The following KLHL29 variants were observed in gnomAD, a reference collection of about 807,000 sequenced individuals.
KLHL29 encodes the protein kelch like family member 29.
Under a neutral mutation model 80.4 loss-of-function variants are expected in KLHL29, and 21 were observed. The ratio of observed to expected loss-of-function variants is 0.26; its 90% CI spans 0.19 to 0.38. The LOEUF is 0.38. Among genes scored for constraint, KLHL29 ranks in the 10% least tolerant of loss-of-function variants. The pLI is 1.00. For missense variants in KLHL29, 867 were observed against 1,223.9 expected, an observed-to-expected ratio of 0.71 and a Z score of 4.35; for synonymous variants, 511 against 526.8, an observed-to-expected ratio of 0.97 and a Z score of 0.41.
chr2:23,390,297 G>A (rs115383181), intron 1 of KLHL29, among the ~76,000 whole-genome samples: 1 of 152,150 alleles, frequency 6.6e-6, no homozygotes, highest in Non-Finnish European at 1.5e-5. Flanking sequence ...TGAAATTCAA[G>A]TAGTTCAGAG....
At chr2:23,560,821 A>G (rs1332263280) in intron 2 of KLHL29, among the ~76,000 whole-genome samples, 2 of 152,222 alleles carry the variant, frequency 1.3e-5, no homozygotes, top group African/African-American at 2.4e-5. Flanking sequence ...GGTTGGGCAC[A>G]GGCCCTGGCT....
intron 2 of KLHL29, among the ~76,000 whole-genome samples, chr2:23,491,867 C>T (rs1665112906): frequency 6.6e-6 from 1 of 152,162 alleles, no homozygotes; most frequent in East Asian, 1.9e-4. Flanking sequence ...TGCCCAGTCC[C>T]CTAGTTAGAA....
intron 3 of KLHL29, among the ~76,000 whole-genome samples, chr2:23,564,680 C>A (rs1287389585): frequency 6.6e-6 from 1 of 152,266 alleles, no homozygotes; most frequent in Non-Finnish European, 1.5e-5. Context: ...TGACCCCGTG[C>A]CAAGACCACA....
chr2:23,652,130 G>T (rs1188756638), intron 5 of KLHL29, among the ~76,000 whole-genome samples: 1 of 152,230 alleles, frequency 6.6e-6, no homozygotes, highest in Non-Finnish European at 1.5e-5. Flanking sequence ...CTACCTGTGG[G>T]TGTTTTCAGT....
chr2:23,613,788 A>AAAAAAAAAAAAAAC (rs1553344242), intron 3 of KLHL29, among the ~76,000 whole-genome samples: 7 of 147,268 alleles, frequency 4.8e-5, no homozygotes, highest in Non-Finnish European at 1.1e-4. Context: ...AAAAAAAAAA[A>AAAAAAAAAAAAAAC]AACCCACCAC....
chr2:23,687,263 C>G (rs1209123298), intron 6 of KLHL29, among the ~76,000 whole-genome samples: 2 of 152,186 alleles, frequency 1.3e-5, no homozygotes, highest in Non-Finnish European at 2.9e-5. Flanking sequence ...TGAGCCCTGC[C>G]AGGGGCAGGT....
intron 2 of KLHL29, among the ~76,000 whole-genome samples, chr2:23,512,248 C>T (rs1273485942): frequency 1.3e-5 from 2 of 152,098 alleles, no homozygotes; most frequent in African/African-American, 2.4e-5. Flanking sequence ...GAGTTCAAGA[C>T]CAGCCTGACG....
At chr2:23,407,042 G>T (rs1461363045) in intron 1 of KLHL29, among the ~76,000 whole-genome samples, 2 of 151,850 alleles carry the variant, frequency 1.3e-5, no homozygotes, top group African/African-American at 4.8e-5. Context: ...ACCTTGCATT[G>T]CTTCTCCCTT....
chr2:23,672,848 AG>A (rs1198206490), intron 5 of KLHL29: 3 of 152,502 alleles, frequency 2.0e-5, no homozygotes, highest in Non-Finnish European at 4.4e-5. Context: ...CTGGAATGGC[AG>A]GGGGCAGCCC....
chr2:23,570,843 G>A (rs1222286776), intron 3 of KLHL29, among the ~76,000 whole-genome samples: 1 of 152,210 alleles, frequency 6.6e-6, no homozygotes, highest in Non-Finnish European at 1.5e-5. Flanking sequence ...ACCTGGGGCA[G>A]AAAGGACAAA....
chr2:23,641,413 C>G (rs1669765614), intron 4 of KLHL29, among the ~76,000 whole-genome samples: 1 of 152,190 alleles, frequency 6.6e-6, no homozygotes, highest in African/African-American at 2.4e-5. Context: ...TCCCTCCCCT[C>G]CTGCGAGGAC....
intron 1 of KLHL29, among the ~76,000 whole-genome samples, chr2:23,444,203 A>G (rs1367654247): frequency 6.6e-6 from 1 of 152,210 alleles, no homozygotes; most frequent in Admixed American, 6.5e-5. Context: ...CATTTAGTGG[A>G]TAGAGCTAGG....
intron 2 of KLHL29, among the ~76,000 whole-genome samples, chr2:23,529,354 A>G (rs1250312943): frequency 1.3e-5 from 2 of 152,032 alleles, no homozygotes; most frequent in African/African-American, 4.8e-5. Flanking sequence ...GCCTAAAGCA[A>G]TCCTCCCGCC....
chr2:23,518,605 G>T (rs78565174), intron 2 of KLHL29, among the ~76,000 whole-genome samples: 2,070 of 152,234 alleles, frequency 0.014, 47 homozygotes, highest in African/African-American at 0.046. Context: ...CTCCATGCTG[G>T]TGTGGGCGCT....
chr2:23,402,513 C>G (rs1666619972), intron 1 of KLHL29, among the ~76,000 whole-genome samples: 1 of 152,102 alleles, frequency 6.6e-6, no homozygotes, highest in Non-Finnish European at 1.5e-5. Flanking sequence ...CCCAGCGCCC[C>G]CATCCTTCCC....
intron 2 of KLHL29, among the ~76,000 whole-genome samples, chr2:23,542,737 G>A (rs948455902): frequency 1.3e-5 from 2 of 152,130 alleles, no homozygotes; most frequent in Non-Finnish European, 2.9e-5. Context: ...AGCCTCACCT[G>A]GACCAACTAC....
intron 11 of KLHL29, among the ~76,000 whole-genome samples, chr2:23,701,760 C>A (rs1165771525): frequency 6.6e-6 from 1 of 151,164 alleles, no homozygotes; most frequent in East Asian, 1.9e-4. Flanking sequence ...TAAAGCCCAA[C>A]TCCTTTAGCT....
intron 5 of KLHL29, among the ~76,000 whole-genome samples, chr2:23,663,898 G>T (rs747261385): frequency 1.3e-5 from 2 of 152,180 alleles, no homozygotes; most frequent in African/African-American, 2.4e-5. Context: ...TTTTTACTAT[G>T]ATCTATTGTG....
At chr2:23,512,464 G>A (rs983682090) in intron 2 of KLHL29, among the ~76,000 whole-genome samples, 6 of 151,910 alleles carry the variant, frequency 3.9e-5, no homozygotes, top group African/African-American at 1.5e-4. Flanking sequence ...AAAAAGATTG[G>A]GATGATAAAA....
Sources: allele counts gnomAD v4.1 joint callset (sites outside exome capture counted in the v4.1 genomes callset), GRCh38; gene constraint gnomAD v4.1.1; transcripts MANE v1.5; gene names NCBI Gene and HGNC (gene_info 2026-07-23, HGNC 2026-07-21).